Variants in MAGOH observed in about 807,000 individuals in gnomAD.
The protein encoded by MAGOH is protein mago nashi homolog.
Under a neutral mutation model 20.9 loss-of-function variants are expected in MAGOH, and 3 were observed. The ratio of observed to expected loss-of-function variants is 0.14; its 90% confidence interval spans 0.07 to 0.37. The LOEUF (loss-of-function observed/expected upper bound fraction) is 0.37. MAGOH is among the 10% of genes least tolerant of loss of function. The probability of loss-of-function intolerance (pLI) is 1.00; values close to 1 mark genes in which losing one functional copy is unlikely to be tolerated. For synonymous variants in MAGOH, 51 were observed against 61.0 expected (o/e 0.84, Z 0.76); for missense variants, 66 against 178.1 (o/e 0.37, Z 3.58).
At chr1:53,233,421 C>T (rs140348522) in intron 3 of MAGOH, 121 bp downstream of exon 3, 8,691 of 645,988 alleles carry the variant, frequency 0.013, 102 homozygotes, top group Non-Finnish European at 0.015. Context: ...TGTATCTCCA[C>T]AATGCTTTGT....
chr1:53,232,662 A>T (rs142562674), intron 3 of MAGOH, among the ~76,000 whole-genome samples: 17 of 152,368 alleles, frequency 1.1e-4, no homozygotes, highest in African/African-American at 4.1e-4. Context: ...GGTATGTCTG[A>T]GGAACAGAAA....
intron 1 of MAGOH, among the ~76,000 whole-genome samples, chr1:53,237,673 CAAAAAAAAA>C (rs1231950502): frequency 1.8e-5 from 1 of 55,330 alleles, no homozygotes. Context: ...AAAGCCGTCT[CAAAAAAAAA>C]AAAAAAAAAA....
chr1:53,229,814 G>A (rs546835516), intron 3 of MAGOH, among the ~76,000 whole-genome samples: 22 of 152,274 alleles, frequency 1.4e-4, no homozygotes, highest in Admixed American at 1.0e-3. Flanking sequence ...AGCTACTAGA[G>A]AGGCTGAGGT....
intron 3 of MAGOH, among the ~76,000 whole-genome samples, chr1:53,232,541 G>T (rs1172619826): frequency 6.6e-6 from 1 of 152,218 alleles, no homozygotes; most frequent in Admixed American, 6.5e-5. Context: ...CATCACTGAG[G>T]AAGTGACTTT....
At chr1:53,227,726 A>G (rs1213332049) in intron 4 of MAGOH, among the ~76,000 whole-genome samples, 1 of 151,986 alleles carries the variant, frequency 6.6e-6, no homozygotes, top group African/African-American at 2.4e-5. Context: ...TTTAGTAGAG[A>G]TGGGGTTTCT....
At chr1:53,238,321 G>GCCTGGTC in intron 1 of MAGOH, 40 bp downstream of exon 1, 9 of 1,601,248 alleles carry the variant, frequency 5.6e-6, no homozygotes, top group Non-Finnish European at 7.7e-6. Flanking sequence ...CGGCCCCCAG[G>GCCTGGTC]CCTGGTCCCC....
chr1:53,234,944 G>T (rs1645604444), intron 2 of MAGOH, among the ~76,000 whole-genome samples: 1 of 152,168 alleles, frequency 6.6e-6, no homozygotes, highest in Non-Finnish European at 1.5e-5. Context: ...AATTCCTGCT[G>T]TATCTCTTAC....
intron 1 of MAGOH, among the ~76,000 whole-genome samples, chr1:53,236,150 T>G (rs1003083601): frequency 6.6e-6 from 1 of 152,188 alleles, no homozygotes; most frequent in Non-Finnish European, 1.5e-5. Context: ...ATCTGACAGA[T>G]TAATGGTGGG....
intron 4 of MAGOH, 84 bp from the exon 5 acceptor site, chr1:53,227,228 A>G: frequency 1.6e-6 from 1 of 635,526 alleles, no homozygotes; most frequent in East Asian, 3.1e-5. Context: ...ATATATTAAA[A>G]CGGTATATTA....
At chr1:53,227,591 A>G (rs1645566703) in intron 4 of MAGOH, among the ~76,000 whole-genome samples, 1 of 152,028 alleles carries the variant, frequency 6.6e-6, no homozygotes, top group Admixed American at 6.6e-5. Flanking sequence ...CCCAGGCTGG[A>G]GTGCAATGGC....
intron 2 of MAGOH, among the ~76,000 whole-genome samples, chr1:53,234,548 G>T (rs1183181307): frequency 6.6e-6 from 1 of 151,602 alleles, no homozygotes; most frequent in African/African-American, 2.4e-5. Flanking sequence ...TAATTTTTTT[G>T]TATTTTCAGT....
At position 53,226,954 on chromosome 1, in the gene MAGOH, C is replaced by T; in HGVS notation, c.*91G>A. The stretch of plus-strand genomic sequence containing the variant: ...GATTTTATCACATATTTATTAAAGA[C>T]AATCATTTATAGTTCATAAAAAAAT... On this transcript the variant is annotated 3_prime_UTR_variant, in exon 5 of 5. Coordinates refer to ENST00000371470, the MANE Select transcript of MAGOH (RefSeq NM_002370.4). The T allele has an allele frequency of 3.0e-6, 2 of 657,262 alleles. No homozygotes were observed. Among genetic ancestry groups the T allele is most frequent in the Non-Finnish European group, 5.2e-6 (2 of 382,198 alleles). 40.7% of individuals were successfully genotyped at this position (657,262 alleles called of 1,614,324 possible).
In MAGOH at chr1:53,227,538, T is replaced by G. The variant is rs571786878; in HGVS notation, c.342-394A>C. 2.6e-5 allele frequency among the ~76,000 whole-genome samples: 4 copies of G among 152,166 alleles called. No individual in the cohort carries two copies. The South Asian group carries it at 8.3e-4, about 32-fold the overall frequency. ...TTCAGAGTTAGAAAACTTTTTTTGT[T>G]TTGTTTTGTTTTGTTTTTTGAGACA... On this transcript the variant is annotated intron_variant, in intron 4 of 4. Transcript: ENST00000371470.
At chr1:53,228,520 C>T (rs1185470771) in intron 4 of MAGOH, among the ~76,000 whole-genome samples, 1 of 152,092 alleles carries the variant, frequency 6.6e-6, no homozygotes, top group Non-Finnish European at 1.5e-5. Flanking sequence ...TTAAGATGTG[C>T]CAGTCTCAAC....
In MAGOH at chr1:53,226,942, AT is replaced by A; in HGVS notation, c.*102del. ...TAATAAAAATTGGATTTTATCACAT[AT>A]TTATTAAAGACAATCATTTATAGTT... On this transcript the variant is annotated 3_prime_UTR_variant, in exon 5 of 5. Coordinates refer to ENST00000371470, the MANE Select transcript of MAGOH (RefSeq NM_002370.4). 1.6e-6 allele frequency: 1 copy of A among 642,532 alleles called. No homozygotes were observed. The highest frequency in any genetic ancestry group is 1.9e-5 in the African/African-American group (1 of 51,914). The allele number at this position is 642,532 out of a possible 1,614,324, so 39.8% of individuals were successfully genotyped here. A position where few individuals can be genotyped will look rare whatever the true frequency, so the allele number is the denominator to read the frequency against.
chr1:53,232,475 CAG>C (rs1250303364), intron 3 of MAGOH, among the ~76,000 whole-genome samples: 1 of 152,038 alleles, frequency 6.6e-6, no homozygotes, highest in Non-Finnish European at 1.5e-5. Context: ...GACAACACAA[CAG>C]ATCTTTTTCT....
chr1:53,232,472 C>T (rs1452685150), intron 3 of MAGOH, among the ~76,000 whole-genome samples: 1 of 152,022 alleles, frequency 6.6e-6, no homozygotes, highest in Non-Finnish European at 1.5e-5. Context: ...AAAGACAACA[C>T]AACAGATCTT....
At chr1:53,228,809 A>G in intron 4 of MAGOH, 63 bp downstream of exon 4, 2 of 1,270,738 alleles carry the variant, frequency 1.6e-6, no homozygotes, top group Middle Eastern at 1.9e-4. Context: ...CAATTTGGTT[A>G]AGGTTTCTTA....
Position 53,238,418 on chromosome 1 carries a change from C to A in MAGOH, c.31G>T (p.Val11Leu). ...TGGCCGAACTTGCCCTTGTGCCCCACGTAGTAACGCAGATAAAAGTCACTC... is the reference window on the plus strand; with the variant it reads ...TGGCCGAACTTGCCCTTGTGCCCCAAGTAGTAACGCAGATAAAAGTCACTC... MESDFYLRYY[V>L]GHKGKFGHEF... The change falls in exon 1 of 5, where the codon GTG (valine) becomes TTG (leucine). Residue 11 changes from valine (V) to leucine (L), a missense_variant. Transcript: ENST00000371470. The A allele has an allele frequency of 6.2e-7, 1 of 1,614,118 alleles. No homozygotes were observed.
Sources: gnomAD v4.1 joint callset for allele counts (sites outside exome capture counted in the v4.1 genomes callset) on GRCh38, gnomAD v4.1.1 for gene constraint, MANE v1.5 for transcripts, NCBI Gene and HGNC (gene_info 2026-07-23, HGNC 2026-07-21) for gene names.